Variants in WDR37 observed in about 807,000 individuals in gnomAD.
The protein encoded by WDR37 is WD repeat-containing protein 37.
WDR37 carries 19 observed loss-of-function variants against 62.9 expected under a neutral mutation model. The ratio of observed to expected loss-of-function variants is 0.30; its 90% CI spans 0.21 to 0.44. WDR37 has a LOEUF of 0.44. Among genes scored for constraint, WDR37 ranks in the 20% least tolerant of loss-of-function variants. The pLI is 1.00. For missense variants in WDR37, 474 were observed against 657.6 expected, an observed-to-expected ratio of 0.72 and a Z score of 3.05; for synonymous variants, 250 against 260.9, an observed-to-expected ratio of 0.96 and a Z score of 0.40.
intron 5 of WDR37, among the ~76,000 whole-genome samples, chr10:1,082,377 C>T (rs1229702876): frequency 3.9e-5 from 6 of 152,182 alleles, no homozygotes; most frequent in South Asian, 4.1e-4. Flanking sequence ...CTGATGCCTA[C>T]GGGGGAGGGA....
At chr10:1,120,842 C>T (rs986182819) in intron 11 of WDR37, among the ~76,000 whole-genome samples, 5 of 152,222 alleles carry the variant, frequency 3.3e-5, no homozygotes, top group East Asian at 3.8e-4. Context: ...TATGCAGAAG[C>T]GGTTCTGTGT....
At chr10:1,063,140 C>T (rs1833425392) in intron 1 of WDR37, among the ~76,000 whole-genome samples, 1 of 151,690 alleles carries the variant, frequency 6.6e-6, no homozygotes, top group East Asian at 1.9e-4. Flanking sequence ...TTCCTTCGTA[C>T]ATTGGGACCA....
intron 13 of WDR37, among the ~76,000 whole-genome samples, chr10:1,127,663 G>A (rs778036830): frequency 3.3e-4 from 51 of 152,250 alleles, no homozygotes; most frequent in Non-Finnish European, 6.8e-4. Context: ...CAGGGTTCCT[G>A]TGAAGAGCAG....
chr10:1,058,705 T>C (rs1301716044), intron 1 of WDR37, among the ~76,000 whole-genome samples: 2 of 152,358 alleles, frequency 1.3e-5, no homozygotes, highest in South Asian at 2.1e-4. Flanking sequence ...AGGTTAATAC[T>C]GATGACAGAT....
intron 3 of WDR37, 89 bp downstream of exon 3, chr10:1,078,092 C>A: frequency 9.9e-7 from 1 of 1,009,448 alleles, no homozygotes; most frequent in East Asian, 2.7e-5. Flanking sequence ...TATTAGTTTT[C>A]TGTTCTGCTG....
At chr10:1,065,638 C>T (rs769996406) in intron 1 of WDR37, among the ~76,000 whole-genome samples, 11 of 151,468 alleles carry the variant, frequency 7.3e-5, no homozygotes, top group Non-Finnish European at 1.2e-4. Flanking sequence ...AGCACTCATT[C>T]GTGAAAGAAA....
At chr10:1,068,573 A>G (rs1045228093) in intron 1 of WDR37, among the ~76,000 whole-genome samples, 31 of 152,276 alleles carry the variant, frequency 2.0e-4, no homozygotes, top group East Asian at 7.7e-4. Flanking sequence ...ATTTTCATAA[A>G]AGAGTAATGA....
intron 2 of WDR37, among the ~76,000 whole-genome samples, chr10:1,074,736 G>C (rs563852814): frequency 1.3e-5 from 2 of 152,368 alleles, no homozygotes; most frequent in South Asian, 4.1e-4. Flanking sequence ...CGCCCTTTCA[G>C]TTGTTGAGGA....
chr10:1,123,551 C>A (rs568929764), intron 11 of WDR37, among the ~76,000 whole-genome samples: 2 of 152,172 alleles, frequency 1.3e-5, no homozygotes, highest in African/African-American at 4.8e-5. Context: ...TCTTTTTTTA[C>A]GACTGAATAA....
At chr10:1,122,846 G>C (rs1047228726) in intron 11 of WDR37, among the ~76,000 whole-genome samples, 2 of 152,186 alleles carry the variant, frequency 1.3e-5, no homozygotes, top group African/African-American at 4.8e-5. Context: ...GATTTTGCCT[G>C]GGTTTCTTCA....
At position 1,105,760 on chromosome 10, in the gene WDR37, T is replaced by C. The variant is rs1834986613; in HGVS notation, c.1103+493T>C. 4.6e-5 allele frequency among the ~76,000 whole-genome samples: 7 copies of C among 152,060 alleles called. No individual in the cohort carries two copies. Among genetic ancestry groups the C allele is most frequent in the Admixed American group, 4.6e-4 (7 of 15,270 alleles). ...CTCAATCCAGTGTGTCCCTCTCTGCTTGGGTTTCTCTCCGGCAACTCAAGT... is the reference window on the plus strand; with the variant it reads ...CTCAATCCAGTGTGTCCCTCTCTGCCTGGGTTTCTCTCCGGCAACTCAAGT... On this transcript the variant is annotated intron_variant, in intron 11 of 13. Transcript: ENST00000263150. This position sits in a 1 kb window ranked among gnomAD's most constrained non-coding sequence, Gnocchi z 5.3.
chr10:1,088,449 C>A (rs1217619995), intron 7 of WDR37, among the ~76,000 whole-genome samples: 4 of 152,118 alleles, frequency 2.6e-5, no homozygotes, highest in Non-Finnish European at 5.9e-5. Context: ...TATGAATTGG[C>A]CTAATTTTAG....
At chr10:1,082,132 A>T (rs1348317618) in intron 5 of WDR37, among the ~76,000 whole-genome samples, 8 of 152,250 alleles carry the variant, frequency 5.3e-5, no homozygotes, top group Non-Finnish European at 1.2e-4. Context: ...AAGATTGAAG[A>T]AATAATTTGG....
intron 1 of WDR37, among the ~76,000 whole-genome samples, chr10:1,059,949 A>G (rs1379191083): frequency 2.0e-5 from 3 of 150,976 alleles, no homozygotes; most frequent in Admixed American, 6.6e-5. Flanking sequence ...GGGTGGAGCA[A>G]TTCTCGTGCC....
chr10:1,086,974 C>T (rs2131634002), intron 7 of WDR37, among the ~76,000 whole-genome samples: 1 of 152,344 alleles, frequency 6.6e-6, no homozygotes, highest in African/African-American at 2.4e-5. Flanking sequence ...TCCCTCACAC[C>T]TCCACGCTGC....
At position 1,103,916 on chromosome 10, in the gene WDR37, T is replaced by C; in HGVS notation, c.961+80T>C. The stretch of plus-strand genomic sequence containing the variant: ...CATGGGTTATGTCTGACCTTGCCAC[T>C]TACTTCTTGACCAGAATGAGTCTCT... On this transcript the variant is annotated intron_variant, in intron 10 of 13. Transcript: ENST00000263150. This position sits in a 1 kb window ranked among gnomAD's most constrained non-coding sequence, Gnocchi z 6.3. 7.1e-7 allele frequency: 1 copy of C among 1,408,522 alleles called. No homozygotes were observed. Among genetic ancestry groups the C allele is most frequent in the Non-Finnish European group, 9.8e-7 (1 of 1,022,430 alleles). 87.3% of individuals were successfully genotyped at this position (1,408,522 alleles called of 1,614,324 possible). A position where few individuals can be genotyped will look rare whatever the true frequency, so the allele number is the denominator to read the frequency against.
In WDR37 at chr10:1,096,532, C is replaced by T; in HGVS notation, c.726+286C>T. Reference sequence around the variant, plus strand: ...ACGTAAGAGCAGAGCCAGAGGGCGGCCGTCTTTAAGGATGAGCCCGCACCA... The same window carrying T: ...ACGTAAGAGCAGAGCCAGAGGGCGGTCGTCTTTAAGGATGAGCCCGCACCA... On this transcript the variant is annotated intron_variant, in intron 9 of 13. Coordinates refer to ENST00000263150, the MANE Select transcript of WDR37 (RefSeq NM_014023.4). 4 of 430,164 alleles carry T rather than the reference C, an allele frequency of 9.3e-6. No individual in the cohort carries two copies. The East Asian group carries it at 1.6e-4, about 17-fold the overall frequency. 26.6% of individuals were successfully genotyped at this position (430,164 alleles called of 1,614,324 possible).
intron 11 of WDR37, among the ~76,000 whole-genome samples, chr10:1,108,531 A>T (rs987926109): frequency 6.6e-6 from 1 of 152,142 alleles, no homozygotes; most frequent in Non-Finnish European, 1.5e-5. Flanking sequence ...ACACTATTCT[A>T]TGGATGTTAA....
At chr10:1,110,593 G>A (rs1179072122) in intron 11 of WDR37, among the ~76,000 whole-genome samples, 1 of 152,244 alleles carries the variant, frequency 6.6e-6, no homozygotes, top group African/African-American at 2.4e-5. Flanking sequence ...GCACACCTGG[G>A]TGAGGTCCGG....
Sources: gnomAD v4.1 joint callset for allele counts (sites outside exome capture counted in the v4.1 genomes callset) on GRCh38, gnomAD v4.1.1 for gene constraint, Gnocchi (gnomAD v3.1) non-coding constraint, MANE v1.5 for transcripts, NCBI Gene and HGNC (gene_info 2026-07-23, HGNC 2026-07-21) for gene names.